SLCO1A2: variants seen among roughly 807,000 people sequenced by gnomAD.
The protein encoded by SLCO1A2 is solute carrier organic anion transporter family member 1A2.
In SLCO1A2, 67 loss-of-function variants were observed where a neutral mutation model predicts 69.0. The observed-to-expected ratio is 0.97, with a 90% CI of 0.80 to 1.19. The LOEUF is 1.19. Among genes scored for constraint, SLCO1A2 ranks in the 50% most tolerant of loss-of-function variants. The pLI, the probability that SLCO1A2 is intolerant of heterozygous loss-of-function variation, is 0.00. For synonymous variants in SLCO1A2, 260 were observed against 265.9 expected (o/e 0.98, Z 0.22); for missense variants, 787 against 793.7 (o/e 0.99, Z 0.10).
In SLCO1A2 at chr12:21,394,750, G is replaced by C. The variant is rs537519561; in HGVS notation, c.-190+156C>G. 5.3e-4 allele frequency among the ~76,000 whole-genome samples: 81 copies of C among 152,170 alleles called. 1 individual carries two copies. The highest frequency in any genetic ancestry group is 3.4e-4 in the Non-Finnish European group (23 of 68,006). On this transcript the variant is annotated intron_variant, in intron 1 of 15. Transcript: ENST00000307378. ...GGGGAATAGTAAATTATCCCATCGAGAGGCTTGTATAACAGTTTTTTTCTT... is the reference window on the plus strand; with the variant it reads ...GGGGAATAGTAAATTATCCCATCGACAGGCTTGTATAACAGTTTTTTTCTT...
chr12:21,376,306 T>G, intron 1 of SLCO1A2: 1 of 352,018 alleles, frequency 2.8e-6, no homozygotes, highest in Non-Finnish European at 5.8e-6. Context: ...TAATTTTCCT[T>G]TATTACTTTT....
chr12:21,341,521 T>G (rs909233679), intron 2 of SLCO1A2, among the ~76,000 whole-genome samples: 1 of 152,114 alleles, frequency 6.6e-6, no homozygotes, highest in Non-Finnish European at 1.5e-5. Flanking sequence ...TATGTTTTCT[T>G]GTTTCTCTAA....
At chr12:21,418,171 A>G (rs1942018090), upstream of SLCO1A2, among the ~76,000 whole-genome samples, 1 of 152,238 alleles carries the variant, frequency 6.6e-6, no homozygotes, top group Non-Finnish European at 1.5e-5. Context: ...GCCAAAATCT[A>G]GAGAAAAGAT....
At chr12:21,271,788 C>T (rs1942905980) in intron 14 of SLCO1A2, among the ~76,000 whole-genome samples, 1 of 146,938 alleles carries the variant, frequency 6.8e-6, no homozygotes, top group Admixed American at 6.8e-5. Flanking sequence ...CATTTATATA[C>T]ATATGTAAAT....
intron 1 of SLCO1A2, chr12:21,403,711 C>CTTTTTTT (rs71043273): frequency 1.2e-5 from 1 of 84,322 alleles, no homozygotes; most frequent in African/African-American, 4.5e-5. Flanking sequence ...CTCCTCCTTG[C>CTTTTTTT]TTTTTTTTTT....
intron 10 of SLCO1A2, 128 bp from the exon 11 acceptor site, chr12:21,294,238 C>T (rs1471197160): frequency 8.6e-6 from 6 of 695,726 alleles, no homozygotes; most frequent in Non-Finnish European, 1.4e-5. Context: ...TTCCAGTCAT[C>T]AATGTGTGAC....
chr12:21,322,703 T>G (rs1344046541), intron 2 of SLCO1A2, among the ~76,000 whole-genome samples: 3 of 152,094 alleles, frequency 2.0e-5, no homozygotes, highest in Non-Finnish European at 4.4e-5. Flanking sequence ...TTCTGGTTGG[T>G]TTTTTCCTGA....
chr12:21,374,469 CCTT>C (rs1014422997), exon 2 of SLCO1A2: 51 of 152,186 alleles, frequency 3.4e-4, no homozygotes, highest in African/African-American at 1.2e-3. Flanking sequence ...TCTTTGTTTT[CCTT>C]CGAGGTAGTT....
intron 2 of SLCO1A2, among the ~76,000 whole-genome samples, chr12:21,361,162 G>T (rs1041097793): frequency 1.4e-5 from 1 of 70,192 alleles, no homozygotes; most frequent in African/African-American, 6.6e-5. Context: ...CACCTCATAC[G>T]GGGGATGCCC....
intron 7 of SLCO1A2, 83 bp downstream of exon 7, chr12:21,301,088 G>T: frequency 1.4e-6 from 1 of 724,870 alleles, no homozygotes. Flanking sequence ...TGAAGGTCAA[G>T]TAAGGCCATG....
intron 12 of SLCO1A2, among the ~76,000 whole-genome samples, chr12:21,289,529 T>G (rs978933134): frequency 5.3e-5 from 8 of 152,090 alleles, no homozygotes; most frequent in African/African-American, 1.9e-4. Context: ...CTAAAAGCTC[T>G]TGAACTAGGA....
At position 21,292,271 on chromosome 12, in the gene SLCO1A2, G is replaced by C. The variant is rs1036366930; in HGVS notation, c.1503C>G (p.Asp501Glu). The C allele has an allele frequency of 6.2e-7, 1 of 1,612,946 alleles. No homozygotes were observed. Among genetic ancestry groups the C allele is most frequent in the Admixed American group, 1.7e-5 (1 of 60,006 alleles). The change falls in exon 12 of 15, where the codon GAC becomes GAG. Residue 501 changes from aspartate (D) to glutamate (E), a missense_variant. By Grantham distance (45) the Asp-to-Glu change is conservative. Transcript: ENST00000683939. ...GCATCAAGGAACAGTCAGGTCCTTT[G>C]TCGCACAGCCCAAGAACTGCAGATG... ...GNSSAVLGLC[D>E]KGPDCSLMLQ...
intron 1 of SLCO1A2, among the ~76,000 whole-genome samples, chr12:21,402,631 G>A (rs1349632600): frequency 2.0e-5 from 3 of 151,976 alleles, no homozygotes; most frequent in Non-Finnish European, 4.4e-5. Context: ...CTTATCTAAG[G>A]ATTTAGGGAC....
chr12:21,401,890 C>T (rs1941717609), intron 1 of SLCO1A2, among the ~76,000 whole-genome samples: 1 of 151,304 alleles, frequency 6.6e-6, no homozygotes, highest in Admixed American at 6.6e-5. Context: ...AACACTTCAG[C>T]AGAAATATAC....
intron 1 of SLCO1A2, among the ~76,000 whole-genome samples, chr12:21,381,229 A>G (rs1940569146): frequency 6.6e-6 from 1 of 152,206 alleles, no homozygotes; most frequent in South Asian, 2.1e-4. Flanking sequence ...TAAACAGACA[A>G]CCCACAGAAT....
At chr12:21,293,799 C>T (rs1476486436) in intron 11 of SLCO1A2, 146 bp downstream of exon 11, 6 of 541,228 alleles carry the variant, frequency 1.1e-5, no homozygotes, top group Non-Finnish European at 1.8e-5. Context: ...AATCAAGTGA[C>T]CATCATAGAG....
chr12:21,408,051 T>C lies in SLCO1A2; in HGVS notation c.-312+9831A>G, dbSNP rs145156290. Among the ~76,000 whole-genome samples, 488 of 152,288 alleles carry C rather than the reference T, an allele frequency of 3.2e-3. 3 individuals are homozygous for C. The highest frequency in any genetic ancestry group is 0.011 in the African/African-American group (450 of 41,554). ...GAAGTCTTTCTATAGGGGGAATGTTTAGAAAATTCTGTGGCAACTCCTCAG... is the reference window on the plus strand; with the variant it reads ...GAAGTCTTTCTATAGGGGGAATGTTCAGAAAATTCTGTGGCAACTCCTCAG... On this transcript the variant is annotated intron_variant, in intron 1 of 4. Coordinates refer to the SLCO1A2 transcript ENST00000413682.
upstream of SLCO1A2, among the ~76,000 whole-genome samples, chr12:21,400,268 G>A (rs940828532): frequency 4.2e-4 from 64 of 151,956 alleles, no homozygotes; most frequent in South Asian, 1.0e-3. Flanking sequence ...TAAAAAACAC[G>A]TGAAAAAATG....
intron 2 of SLCO1A2, among the ~76,000 whole-genome samples, chr12:21,325,151 T>C (rs922833140): frequency 3.3e-5 from 5 of 152,190 alleles, no homozygotes; most frequent in African/African-American, 1.2e-4. Flanking sequence ...CTTCAGCTTC[T>C]ACCCTACATT....
Sources: gnomAD v4.1 joint callset for allele counts (sites outside exome capture counted in the v4.1 genomes callset) on GRCh38, gnomAD v4.1.1 for gene constraint, MANE v1.5 for transcripts, NCBI Gene and HGNC (gene_info 2026-07-23, HGNC 2026-07-21) for gene names.